Variants in EFL1 observed in about 807,000 individuals in gnomAD.
EFL1 encodes elongation factor-like GTPase 1.
EFL1 carries 76 observed loss-of-function variants against 126.7 expected under a neutral mutation model. That is an observed-to-expected ratio of 0.60 (90% confidence interval 0.50 to 0.73). The LOEUF (loss-of-function observed/expected upper bound fraction) is 0.73, where lower values mean the gene tolerates loss of function less well. EFL1 is among the 30% of genes least tolerant of loss of function. The pLI, the probability that EFL1 is intolerant of heterozygous loss-of-function variation, is 0.00. For synonymous variants in EFL1, 410 were observed against 448.4 expected (o/e 0.91, Z 1.08); for missense variants, 1,128 against 1,343.2 (o/e 0.84, Z 2.50).
intron 12 of EFL1, among the ~76,000 whole-genome samples, chr15:82,222,144 A>G (rs1237826467): frequency 6.6e-6 from 1 of 152,258 alleles, no homozygotes. Flanking sequence ...GGTCTCTTCC[A>G]ACAGGTTTAT....
chr15:82,134,800 T>A (rs575281078), intron 19 of EFL1, among the ~76,000 whole-genome samples: 5 of 152,236 alleles, frequency 3.3e-5, no homozygotes, highest in African/African-American at 1.2e-4. Context: ...TCCTTTTTCA[T>A]AGAAGGGTAA....
chr15:82,217,989 AG>A (rs2074669193), intron 14 of EFL1, among the ~76,000 whole-genome samples: 1 of 152,216 alleles, frequency 6.6e-6, no homozygotes, highest in African/African-American at 2.4e-5. Flanking sequence ...TGGGACTCTT[AG>A]TACTGCAGGT....
intron 15 of EFL1, among the ~76,000 whole-genome samples, chr15:82,211,583 A>ACACACACACAC (rs1567064816): frequency 2.5e-4 from 14 of 56,248 alleles, no homozygotes; most frequent in African/African-American, 1.7e-3. Flanking sequence ...CACACACACT[A>ACACACACACAC]GACACATACT....
intron 12 of EFL1, among the ~76,000 whole-genome samples, chr15:82,223,944 A>C (rs12906370): frequency 0.012 from 1,875 of 152,318 alleles, 22 homozygotes; most frequent in Middle Eastern, 0.031. Flanking sequence ...TATTGAATAC[A>C]CTTAATGTCC....
At chr15:82,220,892 G>T (rs1251450001) in intron 12 of EFL1, among the ~76,000 whole-genome samples, 2 of 152,188 alleles carry the variant, frequency 1.3e-5, no homozygotes, top group Admixed American at 1.3e-4. Context: ...GACAAAAGGG[G>T]AATACTAAGT....
chr15:82,216,453 T>A (rs189426897), intron 14 of EFL1, among the ~76,000 whole-genome samples: 1 of 152,288 alleles, frequency 6.6e-6, no homozygotes, highest in Non-Finnish European at 1.5e-5. Flanking sequence ...AGGGATTTGG[T>A]CTTTTTGATG....
chr15:82,137,268 A>G (rs1440187946), intron 19 of EFL1, among the ~76,000 whole-genome samples: 1 of 152,164 alleles, frequency 6.6e-6, no homozygotes, highest in Non-Finnish European at 1.5e-5. Context: ...AACTCTTCTT[A>G]AAGTGTTCTG....
Position 82,259,096 on chromosome 15 carries a change from C to T in EFL1, c.151G>A (p.Ala51Thr). 6.2e-7 allele frequency: 1 copy of T among 1,613,892 alleles called. No homozygotes were observed. The highest frequency in any genetic ancestry group is 1.1e-5 in the South Asian group (1 of 91,054). The change falls in exon 3 of 20, where the codon GCA (alanine) becomes ACA (threonine). Residue 51 changes from alanine to threonine, a missense_variant. Transcript: ENST00000268206. ...ATAAAATAATAACATACCTTGCCTG[C>T]TAGGCGGCTGGAGATGATTCCATTG... is the stretch of plus-strand genomic sequence containing the variant. ...SSNGIISSRL[A>T]GKLRYMDSRE...
chr15:82,136,100 C>T (rs760572820), intron 19 of EFL1, among the ~76,000 whole-genome samples: 5 of 151,718 alleles, frequency 3.3e-5, no homozygotes, highest in Non-Finnish European at 7.4e-5. Context: ...GAACTTTATA[C>T]ATTTTTCTAA....
intron 15 of EFL1, among the ~76,000 whole-genome samples, chr15:82,185,818 A>G (rs192877715): frequency 1.3e-5 from 2 of 152,316 alleles, no homozygotes; most frequent in Non-Finnish European, 1.5e-5. Flanking sequence ...TTTTCCCTAG[A>G]AAATCAAGGG....
chr15:82,261,085 A>G (rs988744610), intron 2 of EFL1, among the ~76,000 whole-genome samples: 1 of 152,146 alleles, frequency 6.6e-6, no homozygotes, highest in Non-Finnish European at 1.5e-5. Flanking sequence ...CCCACCTGTA[A>G]TGATTATCTC....
At chr15:82,214,277 C>T (rs184099120) in intron 15 of EFL1, among the ~76,000 whole-genome samples, 175 of 152,288 alleles carry the variant, frequency 1.1e-3, no homozygotes, top group African/African-American at 4.1e-3. Context: ...AAACGACGAT[C>T]AACTAATCTT....
chr15:82,138,442 G>A (rs1388092201), intron 19 of EFL1, among the ~76,000 whole-genome samples: 4 of 151,634 alleles, frequency 2.6e-5, no homozygotes, highest in Admixed American at 6.6e-5. Context: ...GTGTGTGTGT[G>A]TGTGTGTGTG....
At chr15:82,171,554 T>C (rs373028977) in intron 15 of EFL1, among the ~76,000 whole-genome samples, 1 of 152,124 alleles carries the variant, frequency 6.6e-6, no homozygotes. Flanking sequence ...GAAAAAGAAA[T>C]TTCATGTAGA....
At chr15:82,160,483 AT>A (rs1398369838) in intron 16 of EFL1, among the ~76,000 whole-genome samples, 1 of 152,228 alleles carries the variant, frequency 6.6e-6, no homozygotes, top group East Asian at 1.9e-4. Context: ...ACAAATCAAT[AT>A]TATCTATAAT....
chr15:82,251,455 G>C (rs1187727589), intron 4 of EFL1, among the ~76,000 whole-genome samples: 2 of 152,132 alleles, frequency 1.3e-5, no homozygotes, highest in African/African-American at 4.8e-5. Flanking sequence ...ACAAAGTATA[G>C]AGCAGAACAA....
At chr15:82,217,858 A>C (rs1341864675) in intron 14 of EFL1, among the ~76,000 whole-genome samples, 1 of 152,146 alleles carries the variant, frequency 6.6e-6, no homozygotes, top group African/African-American at 2.4e-5. Context: ...TCTTGCTAGG[A>C]GATTCCTTCT....
At chr15:82,232,012 C>T (rs2074827466) in intron 7 of EFL1, among the ~76,000 whole-genome samples, 1 of 152,232 alleles carries the variant, frequency 6.6e-6, no homozygotes, top group Admixed American at 6.5e-5. Flanking sequence ...ATACCCTTAT[C>T]TCTGTGGCTT....
chr15:82,163,088 A>T (rs2074040039), intron 16 of EFL1, among the ~76,000 whole-genome samples: 3 of 152,218 alleles, frequency 2.0e-5, no homozygotes, highest in African/African-American at 7.2e-5. Context: ...GTATATGTGA[A>T]TGTCAGGTGG....
Sources: allele counts gnomAD v4.1 joint callset (sites outside exome capture counted in the v4.1 genomes callset), GRCh38; gene constraint gnomAD v4.1.1; transcripts MANE v1.5; gene names NCBI Gene and HGNC (gene_info 2026-07-23, HGNC 2026-07-21).